IL1RAPL1: variants seen among roughly 807,000 people sequenced by gnomAD.
IL1RAPL1 encodes interleukin-1 receptor accessory protein-like 1.
Under a neutral mutation model 48.4 loss-of-function variants are expected in IL1RAPL1, and 3 were observed. The ratio of observed to expected loss-of-function variants is 0.06; its 90% CI spans 0.03 to 0.16. IL1RAPL1 has a LOEUF of 0.16. Among genes scored for constraint, IL1RAPL1 ranks in the 10% least tolerant of loss-of-function variants. The pLI is 1.00. For synonymous variants in IL1RAPL1, 185 were observed against 187.7 expected (o/e 0.99, Z 0.12); for missense variants, 349 against 530.6 (o/e 0.66, Z 3.36).
chrX:29,498,204 A>G (rs962416260), intron 5 of IL1RAPL1, among the ~76,000 whole-genome samples: 25 of 112,017 alleles, frequency 2.2e-4, no homozygotes, highest in African/African-American at 7.5e-4. Flanking sequence ...CATTGCTTCC[A>G]GATGAGCCTC....
At chrX:29,701,785 CT>C (rs756202294) in intron 6 of IL1RAPL1, among the ~76,000 whole-genome samples, 11 of 110,951 alleles carry the variant, frequency 9.9e-5, no homozygotes, top group Admixed American at 6.7e-4. Context: ...TCATTTATAC[CT>C]GTGAGAGTTA....
chrX:28,674,321 A>G (rs952139518), intron 1 of IL1RAPL1, among the ~76,000 whole-genome samples: 2 of 110,692 alleles, frequency 1.8e-5, no homozygotes, highest in African/African-American at 6.6e-5. Flanking sequence ...TCATTGTGGA[A>G]AATGTGGAAA....
chrX:29,710,164 G>A (rs1422517831), intron 6 of IL1RAPL1, among the ~76,000 whole-genome samples: 1 of 110,777 alleles, frequency 9.0e-6, no homozygotes, highest in African/African-American at 3.3e-5. Flanking sequence ...ATCTCTCTTG[G>A]CTAATTGCCC....
intron 6 of IL1RAPL1, among the ~76,000 whole-genome samples, chrX:29,877,016 T>C (rs1195493370): frequency 9.0e-6 from 1 of 111,602 alleles, no homozygotes; most frequent in Non-Finnish European, 1.9e-5. Context: ...TCTCAAACAA[T>C]GCTGGAAGGT....
chrX:29,299,565 C>A (rs1772418130), intron 3 of IL1RAPL1, among the ~76,000 whole-genome samples: 2 of 111,678 alleles, frequency 1.8e-5, no homozygotes, highest in South Asian at 7.4e-4. Flanking sequence ...TTGGAAACCC[C>A]TTTTCAGGGT....
chrX:28,989,263 G>A (rs1925546588), intron 2 of IL1RAPL1, among the ~76,000 whole-genome samples: 2 of 112,308 alleles, frequency 1.8e-5, no homozygotes, highest in South Asian at 7.3e-4. Flanking sequence ...CTGTATCTCA[G>A]TACATCTCTT....
intron 3 of IL1RAPL1, among the ~76,000 whole-genome samples, chrX:29,308,176 A>G (rs774582774): frequency 8.9e-6 from 1 of 111,944 alleles, no homozygotes; most frequent in South Asian, 3.8e-4. Flanking sequence ...AGAGGCTCAC[A>G]TGATAACAGC....
chrX:29,083,258 C>T (rs756810726), intron 2 of IL1RAPL1, among the ~76,000 whole-genome samples: 36 of 111,626 alleles, frequency 3.2e-4, no homozygotes, highest in African/African-American at 1.1e-3. Context: ...ATGAAAATTC[C>T]AGGAACTAAA....
At chrX:29,428,533 T>C (rs955966523) in intron 5 of IL1RAPL1, among the ~76,000 whole-genome samples, 8 of 110,139 alleles carry the variant, frequency 7.3e-5, no homozygotes, top group Admixed American at 2.9e-4. Context: ...AAATTACTAC[T>C]AATATTTGCT....
chrX:29,347,160 T>C (rs774238150), intron 3 of IL1RAPL1, among the ~76,000 whole-genome samples: 1 of 111,105 alleles, frequency 9.0e-6, no homozygotes, highest in East Asian at 2.8e-4. Flanking sequence ...AACCTGATTT[T>C]GTCAAATGGA....
intron 5 of IL1RAPL1, among the ~76,000 whole-genome samples, chrX:29,638,257 A>G (rs1250454095): frequency 9.3e-6 from 1 of 107,462 alleles, no homozygotes; most frequent in African/African-American, 3.4e-5. Flanking sequence ...TCTGCTGTCA[A>G]CACCAATTAA....
intron 1 of IL1RAPL1, among the ~76,000 whole-genome samples, chrX:28,600,409 A>T (rs2146878144): frequency 9.3e-6 from 1 of 107,660 alleles, no homozygotes; most frequent in African/African-American, 3.4e-5. Flanking sequence ...GAGAGGAAAA[A>T]GTGGAAAATT....
At chrX:29,221,024 A>T (rs1199348402) in intron 2 of IL1RAPL1, among the ~76,000 whole-genome samples, 2 of 110,847 alleles carry the variant, frequency 1.8e-5, no homozygotes. Context: ...GGTTCAAGCG[A>T]TTCTACTGCC....
chrX:29,850,618 A>G (rs1029773771), intron 6 of IL1RAPL1, among the ~76,000 whole-genome samples: 39 of 112,555 alleles, frequency 3.5e-4, no homozygotes, highest in African/African-American at 1.3e-3. Context: ...GACTGTGGAA[A>G]GCAGGGCAGG....
chrX:29,319,364 A>AT lies in IL1RAPL1; in HGVS notation c.362+36167dup, dbSNP rs762918998. ...ACCCCACTGCATGTAGATAAATTTA[A>AT]TTTTTTTTTTTTTTTTTTTTGTAGA... On this transcript the variant is annotated intron_variant, in intron 3 of 10. Coordinates refer to ENST00000378993, the MANE Select transcript of IL1RAPL1 (RefSeq NM_014271.4). Among the ~76,000 whole-genome samples the AT allele has an allele frequency of 3.1e-3, 183 of 58,130 alleles. 11 individuals carry two copies. Among genetic ancestry groups the AT allele is most frequent in the East Asian group, 0.022 (45 of 2,067 alleles). 50.5% of individuals were successfully genotyped at this position (58,130 alleles called of 115,157 possible).
intron 2 of IL1RAPL1, among the ~76,000 whole-genome samples, chrX:28,855,129 C>T (rs761460939): frequency 8.9e-5 from 10 of 111,824 alleles, no homozygotes; most frequent in African/African-American, 2.6e-4. Flanking sequence ...AAGTAATTCT[C>T]GTGCTTTATC....
intron 1 of IL1RAPL1, among the ~76,000 whole-genome samples, chrX:28,726,194 TG>T (rs1188706253): frequency 8.9e-6 from 1 of 112,068 alleles, no homozygotes; most frequent in African/African-American, 3.2e-5. Flanking sequence ...TATGTGATCA[TG>T]GGTTTTATTT....
chrX:29,758,478 C>T (rs1039303455), intron 6 of IL1RAPL1, among the ~76,000 whole-genome samples: 1 of 110,555 alleles, frequency 9.0e-6, no homozygotes, highest in African/African-American at 3.3e-5. Context: ...GGATCACCTG[C>T]GGTCAGGAAT....
chrX:28,953,577 A>C (rs1045027300), intron 2 of IL1RAPL1, among the ~76,000 whole-genome samples: 1 of 111,500 alleles, frequency 9.0e-6, no homozygotes, highest in Non-Finnish European at 1.9e-5. Flanking sequence ...AATAATACGT[A>C]GAGGAGGGAA....
Sources: allele counts gnomAD v4.1 joint callset (sites outside exome capture counted in the v4.1 genomes callset), GRCh38; gene constraint gnomAD v4.1.1; transcripts MANE v1.5; gene names NCBI Gene and HGNC (gene_info 2026-07-23, HGNC 2026-07-21).